INTS8: variants seen among roughly 807,000 people sequenced by gnomAD.
INTS8 encodes protein kaonashi-1.
INTS8 carries 47 observed loss-of-function variants against 138.9 expected under a neutral mutation model. The ratio of observed to expected loss-of-function variants is 0.34; its 90% CI spans 0.27 to 0.43. The LOEUF is 0.43. Among genes scored for constraint, INTS8 ranks in the 20% least tolerant of loss-of-function variants. The pLI is 1.00. For missense variants in INTS8, 996 were observed against 1,173.0 expected, an observed-to-expected ratio of 0.85 and a Z score of 2.20; for synonymous variants, 392 against 400.9, an observed-to-expected ratio of 0.98 and a Z score of 0.27.
chr8:94,825,092 C>T, intron 2 of INTS8, 25 bp downstream of exon 2: 1 of 1,470,672 alleles, frequency 6.8e-7, no homozygotes, highest in Non-Finnish European at 9.5e-7. Flanking sequence ...AGTGAAATTT[C>T]ATTTGAAGTG....
chr8:94,839,136 C>T (rs144915735), intron 8 of INTS8, among the ~76,000 whole-genome samples: 17 of 152,284 alleles, frequency 1.1e-4, no homozygotes, highest in African/African-American at 3.1e-4. Flanking sequence ...ACAGTGAACA[C>T]GGCAGTTGTT....
chr8:94,825,833 GT>G (rs34542435), intron 2 of INTS8, among the ~76,000 whole-genome samples: 1 of 151,596 alleles, frequency 6.6e-6, no homozygotes, highest in Non-Finnish European at 1.5e-5. Flanking sequence ...GAGGAGAGGG[GT>G]TTTTTTTGAC....
chr8:94,876,432 A>T lies in INTS8; in HGVS notation c.2828-14A>T, dbSNP rs377479755. 27 of 1,512,720 alleles carry T rather than the reference A, an allele frequency of 1.8e-5. No homozygotes were observed. Among genetic ancestry groups the T allele is most frequent in the Non-Finnish European group, 2.4e-5 (26 of 1,098,558 alleles). 93.7% of individuals were successfully genotyped at this position (1,512,720 alleles called of 1,614,324 possible). A position where few individuals can be genotyped will look rare whatever the true frequency, so the allele number is the denominator to read the frequency against. ...TAATACTATCAGATTTATTTTCCTT[A>T]ACTGATTCATTAGATCTTCATCATA... On this transcript the variant is annotated splice_polypyrimidine_tract_variant and intron_variant, in intron 25 of 26. Coordinates refer to ENST00000523731, the MANE Select transcript of INTS8 (RefSeq NM_017864.4).
intron 5 of INTS8, among the ~76,000 whole-genome samples, chr8:94,829,847 A>G (rs1183657259): frequency 1.2e-4 from 19 of 152,226 alleles, no homozygotes; most frequent in African/African-American, 4.6e-4. Flanking sequence ...AAACTCTATG[A>G]CAAACATGTA....
At chr8:94,866,881 A>G (rs1816195490) in intron 18 of INTS8, 2 of 389,036 alleles carry the variant, frequency 5.1e-6, no homozygotes, top group South Asian at 6.3e-5. Flanking sequence ...GAGTCATGTG[A>G]GGAGTTGAGC....
intron 26 of INTS8, among the ~76,000 whole-genome samples, chr8:94,878,391 A>G (rs559444221): frequency 2.0e-5 from 3 of 152,284 alleles, no homozygotes; most frequent in African/African-American, 4.8e-5. Context: ...CTCTGTCCTC[A>G]TGGATGTTAA....
intron 16 of INTS8, among the ~76,000 whole-genome samples, chr8:94,861,475 A>C (rs1305867915): frequency 1.3e-5 from 2 of 151,656 alleles, no homozygotes; most frequent in Non-Finnish European, 2.9e-5. Flanking sequence ...GTTAGCCAGG[A>C]TGGTCTCAAT....
At chr8:94,847,577 TAG>T in intron 10 of INTS8, among the ~76,000 whole-genome samples, 1 of 152,334 alleles carries the variant, frequency 6.6e-6, no homozygotes, top group South Asian at 2.1e-4. Flanking sequence ...CTCGTTTTTC[TAG>T]AGTTAGTTTT....
chr8:94,856,177 C>G (rs1379245947), intron 14 of INTS8, among the ~76,000 whole-genome samples: 2 of 152,186 alleles, frequency 1.3e-5, no homozygotes, highest in Non-Finnish European at 2.9e-5. Flanking sequence ...TGTAAGATAA[C>G]AGTGTTCAGT....
chr8:94,824,598 A>G (rs1220455994), intron 1 of INTS8, among the ~76,000 whole-genome samples: 1 of 151,990 alleles, frequency 6.6e-6, no homozygotes, highest in Non-Finnish European at 1.5e-5. Context: ...GAAATCTATG[A>G]CTGTTATGTT....
At position 94,865,258 on chromosome 8, in the gene INTS8, A is replaced by G. The variant is rs911680767; in HGVS notation, c.2077-248A>G. Among the ~76,000 whole-genome samples the G allele has an allele frequency of 3.4e-4, 51 of 151,574 alleles. 1 individual carries two copies. The highest frequency in any genetic ancestry group is 1.2e-4 in the African/African-American group (5 of 41,192). ...TTTGCGTTGTCTCATTTTCGTTTTC[A>G]TTAGACTATAACTGTTCAGAAACAA... On this transcript the variant is annotated intron_variant, in intron 16 of 26. Coordinates refer to ENST00000523731, the MANE Select transcript of INTS8 (RefSeq NM_017864.4).
intron 25 of INTS8, 74 bp downstream of exon 25, chr8:94,876,359 A>G: frequency 6.9e-7 from 1 of 1,445,182 alleles, no homozygotes; most frequent in South Asian, 1.2e-5. Context: ...AATATTGTAT[A>G]TTTTCCAAAT....
intron 10 of INTS8, among the ~76,000 whole-genome samples, chr8:94,848,200 A>T (rs1249162904): frequency 6.6e-6 from 1 of 151,776 alleles, no homozygotes. Flanking sequence ...TTTAGTAGAG[A>T]CGAGGTTTCA....
At chr8:94,824,638 C>T (rs75776698) in intron 1 of INTS8, among the ~76,000 whole-genome samples, 5,298 of 149,472 alleles carry the variant, frequency 0.035, 97 homozygotes, top group African/African-American at 0.04. Flanking sequence ...TTTTTGCTTT[C>T]TTCCACTCTA....
intron 7 of INTS8, among the ~76,000 whole-genome samples, chr8:94,836,859 T>C (rs1814945102): frequency 6.6e-6 from 1 of 152,202 alleles, no homozygotes; most frequent in African/African-American, 2.4e-5. Flanking sequence ...TCTGTTTTTG[T>C]ACAGTTAAGC....
rs964182767 is a variant in INTS8, at chr8:94,880,596, T to G, written c.*362T>G. ...TTCATGTCTTTTTTTAATAAATAGA[T>G]TTCTAGGAGTCAGTATATATTTAAT... On this transcript the variant is annotated 3_prime_UTR_variant, in exon 27 of 27. Coordinates refer to ENST00000523731, the MANE Select transcript of INTS8 (RefSeq NM_017864.4). 26 of 347,050 alleles carry G rather than the reference T, an allele frequency of 7.5e-5. No individual in the cohort carries two copies. Among genetic ancestry groups the G allele is most frequent in the African/African-American group, 5.2e-4 (25 of 47,718 alleles). The allele number at this position is 347,050 out of a possible 1,614,324, so 21.5% of individuals were successfully genotyped here. A position where few individuals can be genotyped will look rare whatever the true frequency, so the allele number is the denominator to read the frequency against.
intron 10 of INTS8, among the ~76,000 whole-genome samples, chr8:94,849,213 A>T (rs1471904237): frequency 6.6e-6 from 1 of 152,156 alleles, no homozygotes; most frequent in Non-Finnish European, 1.5e-5. Context: ...ACTGTATAGC[A>T]TGGTAACTAG....
intron 7 of INTS8, 29 bp from the exon 8 acceptor site, chr8:94,838,434 G>A (rs1244506579): frequency 1.3e-6 from 2 of 1,559,482 alleles, no homozygotes; most frequent in Non-Finnish European, 1.8e-6. Context: ...TACATGAATG[G>A]ATAATGGTGT....
intron 22 of INTS8, among the ~76,000 whole-genome samples, chr8:94,874,114 G>A (rs1816495327): frequency 6.6e-6 from 1 of 151,976 alleles, no homozygotes; most frequent in Admixed American, 6.6e-5. Flanking sequence ...TATACATTAT[G>A]GTATAATGAA....
Sources: allele counts gnomAD v4.1 joint callset (sites outside exome capture counted in the v4.1 genomes callset), GRCh38; gene constraint gnomAD v4.1.1; transcripts MANE v1.5; gene names NCBI Gene and HGNC (gene_info 2026-07-23, HGNC 2026-07-21).